USP10: variants seen among roughly 807,000 people sequenced by gnomAD.
USP10 encodes ubiquitin carboxyl-terminal hydrolase 10.
Under a neutral mutation model 84.5 loss-of-function variants are expected in USP10, and 22 were observed. The observed-to-expected ratio is 0.26, with a 90% CI of 0.19 to 0.37. USP10 has a LOEUF of 0.37. Among genes scored for constraint, USP10 ranks in the 10% least tolerant of loss-of-function variants. USP10 has a pLI of 1.00. For synonymous variants in USP10, 454 were observed against 387.6 expected, an observed-to-expected ratio of 1.17 and a Z score of -2.01; for missense variants, 1,019 against 998.9, an observed-to-expected ratio of 1.02 and a Z score of -0.27.
chr16:84,769,509 G>A (rs1471760755), intron 11 of USP10, among the ~76,000 whole-genome samples: 2 of 152,226 alleles, frequency 1.3e-5, no homozygotes, highest in South Asian at 2.1e-4. Flanking sequence ...GTCTGGCGGT[G>A]GACCTCGTGG....
intron 2 of USP10, among the ~76,000 whole-genome samples, chr16:84,739,930 A>G (rs1039148725): frequency 1.4e-4 from 21 of 152,216 alleles, no homozygotes; most frequent in South Asian, 4.1e-4. Flanking sequence ...AGGAAGAGTC[A>G]TCTTCGCTAG....
At chr16:84,718,634 G>A (rs1413302114) in intron 1 of USP10, among the ~76,000 whole-genome samples, 1 of 151,528 alleles carries the variant, frequency 6.6e-6, no homozygotes, top group Non-Finnish European at 1.5e-5. Context: ...GCACATGCCT[G>A]TAATACCAGC....
intron 1 of USP10, among the ~76,000 whole-genome samples, chr16:84,710,956 C>A (rs1231181900): frequency 6.6e-6 from 1 of 152,226 alleles, no homozygotes; most frequent in Non-Finnish European, 1.5e-5. Flanking sequence ...CAAAGTGTTA[C>A]ATCTCCAGTC....
intron 1 of USP10, among the ~76,000 whole-genome samples, chr16:84,703,578 A>G (rs1235096899): frequency 2.0e-5 from 3 of 152,252 alleles, no homozygotes; most frequent in Admixed American, 6.5e-5. Flanking sequence ...TTTTATTAGA[A>G]TCTCAAGTAA....
intron 1 of USP10, among the ~76,000 whole-genome samples, chr16:84,726,295 G>A (rs1031588969): frequency 1.3e-5 from 2 of 152,256 alleles, no homozygotes; most frequent in Non-Finnish European, 2.9e-5. Context: ...CGGGAGAGCT[G>A]TAGCCAGCAG....
In USP10 at chr16:84,759,353, C is replaced by T; in HGVS notation, c.1285-10C>T. ...CATTTCCTTTACGCTTCCTTACTGC[C>T]ACTACATAGACACTGCAGGCATTGG... On this transcript the variant is annotated splice_polypyrimidine_tract_variant and intron_variant, in intron 5 of 13. Transcript: ENST00000219473. 6.2e-7 allele frequency: 1 copy of T among 1,612,874 alleles called. No homozygotes were observed. Among genetic ancestry groups the T allele is most frequent in the Non-Finnish European group, 8.5e-7 (1 of 1,178,906 alleles).
chr16:84,750,408 A>AAG (rs1222160649), intron 4 of USP10, among the ~76,000 whole-genome samples: 1 of 151,656 alleles, frequency 6.6e-6, no homozygotes, highest in Non-Finnish European at 1.5e-5. Flanking sequence ...CTGTCTCAAA[A>AAG]AAAAAAAAAA....
At chr16:84,735,426 A>G (rs1366954467) in intron 2 of USP10, among the ~76,000 whole-genome samples, 1 of 152,116 alleles carries the variant, frequency 6.6e-6, no homozygotes, top group African/African-American at 2.4e-5. Context: ...ACCGTATTTC[A>G]AGTCTGAAGG....
At chr16:84,700,455 G>C (rs1478147798) in intron 1 of USP10, among the ~76,000 whole-genome samples, 1 of 151,954 alleles carries the variant, frequency 6.6e-6, no homozygotes, top group Non-Finnish European at 1.5e-5. Context: ...CGCCGCGCCG[G>C]CCGGGGGAGG....
chr16:84,700,137 C>G, intron 1 of USP10, 26 bp downstream of exon 1: 12 of 1,322,448 alleles, frequency 9.1e-6, no homozygotes, highest in Non-Finnish European at 1.2e-5. Flanking sequence ...CGCCTTCGGC[C>G]GGAAGGGGCC....
rs1178353646 is a variant in USP10 at position 84,761,667 on chromosome 16, C to T, written c.1555-1322C>T. Reference sequence around the variant, plus strand: ...GGCTGGTCCCATAGGTACCATCTGCCTGGCTTGAACCAAAAGTCCAAACTC... The same window carrying T: ...GGCTGGTCCCATAGGTACCATCTGCTTGGCTTGAACCAAAAGTCCAAACTC... On this transcript the variant is annotated intron_variant, in intron 8 of 13. Coordinates refer to ENST00000219473, the MANE Select transcript of USP10 (RefSeq NM_005153.3). 3.3e-5 allele frequency among the ~76,000 whole-genome samples: 5 copies of T among 152,264 alleles called. No homozygotes were observed. The East Asian group carries it at 9.6e-4, about 29-fold the overall frequency.
At chr16:84,750,296 T>C (rs1301050281) in intron 4 of USP10, among the ~76,000 whole-genome samples, 1 of 151,528 alleles carries the variant, frequency 6.6e-6, no homozygotes, top group Non-Finnish European at 1.5e-5. Flanking sequence ...TAATCCTAGC[T>C]ACTGAGGAGG....
chr16:84,716,316 A>T (rs1207401357), intron 1 of USP10: 2 of 152,176 alleles, frequency 1.3e-5, no homozygotes, highest in Non-Finnish European at 2.9e-5. Context: ...TTAACTGTTA[A>T]TGTGTCTGTG....
chr16:84,711,703 C>T (rs1023903632), intron 1 of USP10, among the ~76,000 whole-genome samples: 24 of 143,336 alleles, frequency 1.7e-4, no homozygotes, highest in African/African-American at 4.9e-4. Flanking sequence ...GAGTTTTAGG[C>T]GTGAGGAAGG....
At chr16:84,757,672 G>A (rs117522014) in intron 4 of USP10, among the ~76,000 whole-genome samples, 1,874 of 152,036 alleles carry the variant, frequency 0.012, 17 homozygotes, top group Middle Eastern at 0.078. Flanking sequence ...TACATAGTAG[G>A]TGTATCTATT....
intron 9 of USP10, among the ~76,000 whole-genome samples, chr16:84,763,355 A>G (rs1213338941): frequency 6.6e-6 from 1 of 152,246 alleles, no homozygotes; most frequent in African/African-American, 2.4e-5. Flanking sequence ...GAATACCTTT[A>G]TAATTGCCGA....
intron 1 of USP10, among the ~76,000 whole-genome samples, chr16:84,713,526 G>A (rs892772365): frequency 1.7e-4 from 26 of 152,098 alleles, no homozygotes; most frequent in Admixed American, 1.4e-3. Flanking sequence ...GCTCCTTGAG[G>A]CCCCAATGTA....
chr16:84,703,901 A>G (rs753556391), intron 1 of USP10, among the ~76,000 whole-genome samples: 17 of 152,244 alleles, frequency 1.1e-4, no homozygotes, highest in Non-Finnish European at 2.1e-4. Context: ...CGGGCCTACC[A>G]CATTCTAAAT....
chr16:84,759,595 T>TA (rs1567638666), intron 6 of USP10, 123 bp downstream of exon 6: 2 of 946,818 alleles, frequency 2.1e-6, no homozygotes, highest in African/African-American at 1.7e-5. Flanking sequence ...TGTCTTTTTT[T>TA]AAAAATAGAC....
Sources: gnomAD v4.1 joint callset for allele counts (sites outside exome capture counted in the v4.1 genomes callset) on GRCh38, gnomAD v4.1.1 for gene constraint, MANE v1.5 for transcripts, NCBI Gene and HGNC (gene_info 2026-07-23, HGNC 2026-07-21) for gene names.